ANK2: variants seen among roughly 807,000 people sequenced by gnomAD.
The protein encoded by ANK2 is ankyrin-2.
ANK2 carries 83 observed loss-of-function variants against 360.5 expected under a neutral mutation model. The observed-to-expected ratio is 0.23, with a 90% CI of 0.19 to 0.28. The LOEUF (loss-of-function observed/expected upper bound fraction) is 0.28. Among genes scored for constraint, ANK2 ranks in the 10% least tolerant of loss-of-function variants. ANK2 has a pLI of 1.00. For synonymous variants in ANK2, 1,740 were observed against 1,759.5 expected (o/e 0.99, Z 0.28); for missense variants, 4,201 against 4,795.7 (o/e 0.88, Z 3.66).
At chr4:113,098,589 T>C (rs2092151320) in intron 1 of ANK2, among the ~76,000 whole-genome samples, 1 of 152,002 alleles carries the variant, frequency 6.6e-6, no homozygotes. Flanking sequence ...ATGGTTTCAC[T>C]GATGAATTCT....
At chr4:113,164,303 G>A (rs79394065) in intron 1 of ANK2, among the ~76,000 whole-genome samples, 2,122 of 152,208 alleles carry the variant, frequency 0.014, 47 homozygotes, top group African/African-American at 0.048. Context: ...GTGTTTCCAC[G>A]TGCATCTTCA....
the ANK2 span, among the ~76,000 whole-genome samples, chr4:112,710,903 T>TTATATATATATATA: frequency 6.4e-5 from 9 of 141,284 alleles, 1 homozygote; most frequent in African/African-American, 2.3e-4. Flanking sequence ...TGAACAGGTT[T>TTATATATATATATA]TATATATATA....
At chr4:112,759,026 C>A in the ANK2 span, among the ~76,000 whole-genome samples, 12,950 of 151,530 alleles carry the variant, frequency 0.085, 768 homozygotes, top group African/African-American at 0.16. Context: ...AAATGCAAAC[C>A]TAAATATATT....
chr4:113,373,036 T>G, intron 43 of ANK2, 54 bp from the exon 44 acceptor site: 3 of 1,409,340 alleles, frequency 2.1e-6, no homozygotes, highest in Non-Finnish European at 3.0e-6. Flanking sequence ...TTGGGAGTAG[T>G]TCCTCAGAAT....
At chr4:112,850,253 T>C (rs544152232) in intron 1 of ANK2, among the ~76,000 whole-genome samples, 48 of 49,152 alleles carry the variant, frequency 9.8e-4, no homozygotes, top group African/African-American at 5.3e-3. Flanking sequence ...AAATTTCATC[T>C]ATCTATCTAT....
chr4:113,260,962 A>G (rs2052507452), intron 13 of ANK2, among the ~76,000 whole-genome samples: 1 of 152,178 alleles, frequency 6.6e-6, no homozygotes, highest in Non-Finnish European at 1.5e-5. Flanking sequence ...GCATTTTTGA[A>G]TGCAATGCTG....
chr4:112,878,467 C>G (rs2075784896), intron 1 of ANK2, among the ~76,000 whole-genome samples: 1 of 152,112 alleles, frequency 6.6e-6, no homozygotes, highest in African/African-American at 2.4e-5. Context: ...GCTGGGATTA[C>G]AGGCATGCGC....
intron 1 of ANK2, among the ~76,000 whole-genome samples, chr4:112,846,783 CAA>C (rs1211372865): frequency 6.6e-6 from 1 of 152,134 alleles, no homozygotes; most frequent in Non-Finnish European, 1.5e-5. Flanking sequence ...GCTGCTGTAA[CAA>C]AGAGGTAGAT....
chr4:112,991,534 A>C (rs1194515135), intron 2 of ANK2, among the ~76,000 whole-genome samples: 1 of 151,144 alleles, frequency 6.6e-6, no homozygotes, highest in Non-Finnish European at 1.5e-5. Context: ...TTACACACAC[A>C]GTCTTTTAAT....
At chr4:112,826,922 C>T in intron 1 of ANK2, 1 of 1,532,922 alleles carries the variant, frequency 6.5e-7, no homozygotes, top group Non-Finnish European at 9.0e-7. Context: ...ATGCCTGTGT[C>T]TTAGCAACAA....
the ANK2 span, among the ~76,000 whole-genome samples, chr4:112,715,204 G>A: frequency 2.8e-5 from 4 of 141,212 alleles, no homozygotes; most frequent in East Asian, 6.5e-4. Flanking sequence ...CTTGCAGCGC[G>A]GTGATTGGGT....
intron 1 of ANK2, among the ~76,000 whole-genome samples, chr4:113,074,351 A>G (rs2079027731): frequency 6.6e-6 from 1 of 152,198 alleles, no homozygotes; most frequent in Non-Finnish European, 1.5e-5. Context: ...TCCCAGGGGA[A>G]CTTGAAAAAT....
At chr4:113,295,915 T>C (rs1464752147) in intron 22 of ANK2, among the ~76,000 whole-genome samples, 1 of 152,188 alleles carries the variant, frequency 6.6e-6, no homozygotes, top group African/African-American at 2.4e-5. Flanking sequence ...AATAGACTTA[T>C]TCTCATCTAT....
intron 2 of ANK2, among the ~76,000 whole-genome samples, chr4:112,913,582 CTG>C (rs948490196): frequency 6.6e-6 from 1 of 152,174 alleles, no homozygotes; most frequent in Non-Finnish European, 1.5e-5. Flanking sequence ...GTTTTGGAAT[CTG>C]TATATGAGTT....
intron 1 of ANK2, among the ~76,000 whole-genome samples, chr4:113,146,341 C>T (rs1441249431): frequency 6.6e-6 from 1 of 152,248 alleles, no homozygotes; most frequent in East Asian, 1.9e-4. Flanking sequence ...GATTCACTTA[C>T]GTTCAGTCTG....
At chr4:113,107,888 CA>C (rs2093827455) in intron 1 of ANK2, among the ~76,000 whole-genome samples, 2 of 152,056 alleles carry the variant, frequency 1.3e-5, no homozygotes, top group Non-Finnish European at 2.9e-5. Context: ...TTCAAAAACC[CA>C]AATTTGATGC....
intron 2 of ANK2, among the ~76,000 whole-genome samples, chr4:112,958,001 G>A (rs56213251): frequency 0.18 from 27,534 of 151,066 alleles, 2,805 homozygotes; most frequent in East Asian, 0.38. Context: ...ACGATGGGCG[G>A]CGGGGCAGAG....
intron 1 of ANK2, among the ~76,000 whole-genome samples, chr4:112,872,707 C>A (rs754504845): frequency 1.3e-5 from 2 of 152,154 alleles, no homozygotes. Flanking sequence ...CTTTCAGTAT[C>A]GGTGATACAG....
At chr4:112,876,105 T>C (rs1163452751) in intron 1 of ANK2, among the ~76,000 whole-genome samples, 1 of 152,056 alleles carries the variant, frequency 6.6e-6, no homozygotes, top group Non-Finnish European at 1.5e-5. Flanking sequence ...ACCAACAATT[T>C]AATGTGGGTT....
Sources: allele counts gnomAD v4.1 joint callset (sites outside exome capture counted in the v4.1 genomes callset), GRCh38; gene constraint gnomAD v4.1.1; transcripts MANE v1.5; gene names NCBI Gene and HGNC (gene_info 2026-07-23, HGNC 2026-07-21).